The following DCAF8L2 variants were observed in gnomAD, a reference collection of about 807,000 sequenced individuals.
DCAF8L2 encodes the protein DDB1- and CUL4-associated factor 8-like protein 2.
For synonymous variants in DCAF8L2, 200 were observed against 190.9 expected (o/e 1.05, Z -0.39); for missense variants, 430 against 490.7 (o/e 0.88, Z 1.17).
rs752072724 is a variant in DCAF8L2, at chrX:27,748,374, C to T, written c.1479C>T (p.His493=). The T allele has an allele frequency of 5.0e-6, 6 of 1,204,504 alleles. No individual in the cohort carries two copies. Among genetic ancestry groups the T allele is most frequent in the Non-Finnish European group, 6.7e-6 (6 of 891,103 alleles). ...TAGTGAGCGGTAGTGATTGCGGGCA[C>T]ATCTTCTTCTGGGAGAAATCATCCT... ...EFVVSGSDCG[H]IFFWEKSSCQ... The change falls in exon 5 of 5, where the codon CAC becomes CAT. Residue 493 remains histidine (H), a synonymous_variant. Coordinates refer to ENST00000451261, the MANE Select transcript of DCAF8L2 (RefSeq NM_001353450.2).
intron 1 of DCAF8L2, among the ~76,000 whole-genome samples, chrX:27,624,009 G>T (rs754403380): frequency 9.0e-6 from 1 of 111,719 alleles, no homozygotes; most frequent in South Asian, 3.7e-4. Context: ...TCAACCAATG[G>T]AATTGGAATT....
chrX:27,562,244 G>T, the DCAF8L2 span, among the ~76,000 whole-genome samples: 5 of 112,443 alleles, frequency 4.4e-5, no homozygotes, highest in Non-Finnish European at 9.4e-5. Context: ...CATTGCACTT[G>T]CTAGGCCATT....
chrX:27,622,913 C>T (rs1429072106), intron 1 of DCAF8L2, among the ~76,000 whole-genome samples: 1 of 111,478 alleles, frequency 9.0e-6, no homozygotes, highest in Admixed American at 9.6e-5. Context: ...CTACTTTGTG[C>T]ATTTCCCCCA....
intron 4 of DCAF8L2, among the ~76,000 whole-genome samples, chrX:27,720,206 C>T (rs1287360560): frequency 9.0e-6 from 1 of 110,938 alleles, no homozygotes; most frequent in Non-Finnish European, 1.9e-5. Context: ...ATATGTGGGT[C>T]TATTTCTGGA....
At chrX:27,702,539 T>C (rs1569186341) in intron 3 of DCAF8L2, among the ~76,000 whole-genome samples, 1 of 110,834 alleles carries the variant, frequency 9.0e-6, no homozygotes, top group Non-Finnish European at 1.9e-5. Flanking sequence ...GAATGCAAGT[T>C]TGGTTTATCA....
the DCAF8L2 span, among the ~76,000 whole-genome samples, chrX:27,483,738 T>C: frequency 1.8e-5 from 2 of 110,954 alleles, no homozygotes; most frequent in Non-Finnish European, 3.8e-5. Flanking sequence ...TATACACACA[T>C]TTATACACCA....
chrX:27,613,884 G>A (rs1386538110), intron 1 of DCAF8L2, among the ~76,000 whole-genome samples: 4 of 111,476 alleles, frequency 3.6e-5, no homozygotes, highest in Non-Finnish European at 7.5e-5. Context: ...TTGCATCGAT[G>A]TTCATCACGG....
chrX:27,475,902 G>A, the DCAF8L2 span, among the ~76,000 whole-genome samples: 1 of 111,447 alleles, frequency 9.0e-6, no homozygotes, highest in Non-Finnish European at 1.9e-5. Context: ...ATTTGCTGGT[G>A]ACTCATTGGT....
chrX:27,513,703 C>CAA, the DCAF8L2 span, among the ~76,000 whole-genome samples: 2 of 64,374 alleles, frequency 3.1e-5, no homozygotes, highest in African/African-American at 5.4e-5. Flanking sequence ...GACTCAGTCT[C>CAA]AAAAAAAAAA....
At chrX:27,522,323 G>A in the DCAF8L2 span, among the ~76,000 whole-genome samples, 2 of 112,193 alleles carry the variant, frequency 1.8e-5, no homozygotes, top group East Asian at 5.6e-4. Flanking sequence ...CACCGTGCCC[G>A]GCCCCCAGTG....
intron 1 of DCAF8L2, among the ~76,000 whole-genome samples, chrX:27,592,419 T>TTG (rs1569153823): frequency 5.8e-5 from 6 of 103,533 alleles, no homozygotes; most frequent in African/African-American, 1.8e-4. Context: ...TTGTTTTTGT[T>TTG]TTTTTTTTTT....
the DCAF8L2 span, among the ~76,000 whole-genome samples, chrX:27,489,128 C>T: frequency 6.3e-5 from 7 of 111,436 alleles, no homozygotes; most frequent in South Asian, 2.7e-3. Context: ...GACAGAGTCT[C>T]GTTCTGTCGC....
At chrX:27,609,784 C>G (rs921936392) in intron 1 of DCAF8L2, among the ~76,000 whole-genome samples, 2 of 111,857 alleles carry the variant, frequency 1.8e-5, no homozygotes, top group Non-Finnish European at 3.8e-5. Context: ...CACTCACACA[C>G]CCAAATCATC....
chrX:27,481,684 A>G, the DCAF8L2 span, among the ~76,000 whole-genome samples: 2 of 111,549 alleles, frequency 1.8e-5, no homozygotes, highest in Non-Finnish European at 3.8e-5. Flanking sequence ...AAGGTGACAT[A>G]AATGATTGGT....
intron 4 of DCAF8L2, among the ~76,000 whole-genome samples, chrX:27,733,051 G>A (rs1331864195): frequency 1.8e-5 from 2 of 110,239 alleles, no homozygotes; most frequent in Non-Finnish European, 3.8e-5. Context: ...TAGAGACTGG[G>A]TTTCACCGTG....
At chrX:27,569,167 T>C in the DCAF8L2 span, among the ~76,000 whole-genome samples, 1 of 111,407 alleles carries the variant, frequency 9.0e-6, no homozygotes, top group Non-Finnish European at 1.9e-5. Flanking sequence ...ACTTCTATAA[T>C]ACATACTACC....
At chrX:27,643,187 T>C (rs2147189215) in intron 2 of DCAF8L2, among the ~76,000 whole-genome samples, 1 of 112,100 alleles carries the variant, frequency 8.9e-6, no homozygotes, top group East Asian at 2.8e-4. Flanking sequence ...CAATTTGCAT[T>C]CCACTAACAA....
chrX:27,644,423 T>C (rs1422392156), intron 2 of DCAF8L2, among the ~76,000 whole-genome samples: 4 of 111,557 alleles, frequency 3.6e-5, no homozygotes, highest in African/African-American at 1.3e-4. Flanking sequence ...ATGATACACT[T>C]AATTACCAGA....
intron 3 of DCAF8L2, among the ~76,000 whole-genome samples, chrX:27,678,165 CTA>C (rs1930204383): frequency 8.9e-6 from 1 of 111,736 alleles, no homozygotes; most frequent in African/African-American, 3.3e-5. Flanking sequence ...TAATGAAAGA[CTA>C]TGTTTTGGAG....
Sources: gnomAD v4.1 joint callset for allele counts (sites outside exome capture counted in the v4.1 genomes callset) on GRCh38, gnomAD v4.1.1 for gene constraint, MANE v1.5 for transcripts, NCBI Gene and HGNC (gene_info 2026-07-23, HGNC 2026-07-21) for gene names.